Variants in ESRRG observed in about 807,000 individuals in gnomAD.
ESRRG encodes the protein estrogen-related receptor gamma.
A neutral mutation model predicts 44.0 loss-of-function variants in ESRRG; 13 were observed. That is an observed-to-expected ratio of 0.30 (90% confidence interval 0.19 to 0.47). ESRRG has a LOEUF of 0.47. ESRRG is among the 20% of genes least tolerant of loss of function. The pLI is 1.00. For synonymous variants in ESRRG, 215 were observed against 214.6 expected (o/e 1.00, Z -0.02); for missense variants, 395 against 580.6 (o/e 0.68, Z 3.29).
chr1:216,892,102 G>C (rs1204101650), intron 2 of ESRRG, among the ~76,000 whole-genome samples: 1 of 152,102 alleles, frequency 6.6e-6, no homozygotes, highest in East Asian at 1.9e-4. Context: ...ACCGTGCCTG[G>C]CTGGTGCTCA....
rs538407323 is a variant in ESRRG, at chr1:217,011,543, G to A, written c.-105-71870C>T. ...AATTAGTTGGCTGCCTACATGCAAA[G>A]CATTTGCTAGATAATCTCCCAAGGA... On this transcript the variant is annotated intron_variant, in intron 1 of 7. Transcript: ENST00000359162. Among the ~76,000 whole-genome samples, 46 of 152,308 alleles carry A rather than the reference G, an allele frequency of 3.0e-4. No homozygotes were observed. The East Asian group carries it at 8.1e-3, about 27-fold the overall frequency.
At chr1:216,802,598 C>G (rs1202836410) in intron 2 of ESRRG, among the ~76,000 whole-genome samples, 1 of 152,200 alleles carries the variant, frequency 6.6e-6, no homozygotes, top group East Asian at 1.9e-4. Context: ...GAGTAGTAAA[C>G]CAAGCACAGG....
chr1:217,083,236 C>T (rs2091884248), intron 1 of ESRRG, among the ~76,000 whole-genome samples: 2 of 152,188 alleles, frequency 1.3e-5, no homozygotes, highest in Non-Finnish European at 2.9e-5. Context: ...TAAATATCTA[C>T]TAATTGGTTT....
intron 2 of ESRRG, among the ~76,000 whole-genome samples, chr1:216,929,279 C>T (rs1303572575): frequency 3.3e-5 from 5 of 152,002 alleles, no homozygotes; most frequent in Admixed American, 3.3e-4. Flanking sequence ...TCCTTCCTTC[C>T]TTCCTTCCCT....
rs747647813 is a variant in ESRRG, at chr1:216,723,341, CAA to C, written c.-44_-43del. 5.0e-6 allele frequency: 8 copies of C among 1,599,242 alleles called. No homozygotes were observed. Among genetic ancestry groups the C allele is most frequent in the Admixed American group, 1.7e-5 (1 of 59,986 alleles). The stretch of plus-strand genomic sequence containing the variant: ...TTATTTGTGCACCCCAGCTATAAAT[CAA>C]AGTTTCCTTGACAGAGCACAGTGCA... On this transcript the variant is annotated 5_prime_UTR_variant, in exon 1 of 7. Coordinates refer to ENST00000408911, the MANE Select transcript of ESRRG (RefSeq NM_001438.4).
At chr1:217,112,585 T>C (rs951247651) in intron 1 of ESRRG, among the ~76,000 whole-genome samples, 13 of 152,290 alleles carry the variant, frequency 8.5e-5, no homozygotes, top group Admixed American at 4.6e-4. Context: ...TAGTTGCCTA[T>C]AATAAATTCA....
At chr1:216,956,714 A>G (rs2818793) in intron 1 of ESRRG, among the ~76,000 whole-genome samples, 99,750 of 152,146 alleles carry the variant, frequency 0.66, 35,822 homozygotes, top group Non-Finnish European at 0.82. Flanking sequence ...GAGCTATCCT[A>G]TCACATGCCT....
intron 2 of ESRRG, among the ~76,000 whole-genome samples, chr1:216,745,796 CT>C (rs2091331990): frequency 1.3e-5 from 2 of 152,132 alleles, no homozygotes; most frequent in South Asian, 4.1e-4. Flanking sequence ...TGGCTATTAT[CT>C]TTAAATTGTA....
intron 1 of ESRRG, among the ~76,000 whole-genome samples, chr1:216,695,028 T>G (rs2079851843): frequency 6.6e-6 from 1 of 151,858 alleles, no homozygotes; most frequent in East Asian, 1.9e-4. Flanking sequence ...TCATTTATAA[T>G]GAAGATAAAT....
chr1:216,783,579 G>A (rs1194012075), intron 2 of ESRRG, among the ~76,000 whole-genome samples: 1 of 152,018 alleles, frequency 6.6e-6, no homozygotes, highest in African/African-American at 2.4e-5. Flanking sequence ...TAAAAGACTA[G>A]TTGCTTATGT....
chr1:216,780,885 C>G (rs544425910), intron 2 of ESRRG, among the ~76,000 whole-genome samples: 231 of 152,108 alleles, frequency 1.5e-3, no homozygotes, highest in African/African-American at 5.2e-3. Flanking sequence ...TTCATATGTT[C>G]ACGACACAAC....
chr1:216,507,577 G>C (rs1315591314), intron 6 of ESRRG, among the ~76,000 whole-genome samples: 3 of 152,154 alleles, frequency 2.0e-5, no homozygotes, highest in Non-Finnish European at 4.4e-5. Context: ...AGTGCTGTGT[G>C]GGGGAAGGTT....
intron 2 of ESRRG, among the ~76,000 whole-genome samples, chr1:216,873,048 G>A (rs60745489): frequency 0.22 from 33,054 of 151,900 alleles, 4,480 homozygotes; most frequent in African/African-American, 0.37. Context: ...CAAAGTTTTT[G>A]CAGTTATTCA....
chr1:216,818,120 A>G (rs1392912804), intron 2 of ESRRG, among the ~76,000 whole-genome samples: 1 of 152,208 alleles, frequency 6.6e-6, no homozygotes, highest in Non-Finnish European at 1.5e-5. Context: ...TTTAAACAAC[A>G]AAAGTGTTAA....
Position 216,557,028 on chromosome 1 carries a change from T to C in ESRRG, c.862+7191A>G, listed in dbSNP as rs138611291. On this transcript the variant is annotated intron_variant, in intron 5 of 6. Transcript: ENST00000408911. ...AATTTACCTATAACTTTCAATCAGA[T>C]TAATTGCCCAGTGATCTGAAGAGAG... Among the ~76,000 whole-genome samples the C allele has an allele frequency of 5.2e-3, 792 of 152,258 alleles. 8 individuals are homozygous for C. Among genetic ancestry groups the C allele is most frequent in the African/African-American group, 0.018 (767 of 41,568 alleles).
chr1:216,863,606 A>G (rs754677876), intron 2 of ESRRG: 11 of 152,198 alleles, frequency 7.2e-5, no homozygotes, highest in African/African-American at 2.7e-4. Context: ...ACTTTCTGCC[A>G]TATTTTCAAT....
intron 3 of ESRRG, among the ~76,000 whole-genome samples, chr1:216,594,229 T>C (rs1035134713): frequency 1.3e-5 from 2 of 152,174 alleles, no homozygotes; most frequent in Non-Finnish European, 2.9e-5. Flanking sequence ...CTCAGACCCA[T>C]GATGTCTAAA....
chr1:216,934,374 CA>C (rs1168320048), intron 2 of ESRRG, among the ~76,000 whole-genome samples: 1 of 152,108 alleles, frequency 6.6e-6, no homozygotes, highest in Admixed American at 6.5e-5. Flanking sequence ...GCGGAAGTTT[CA>C]GTGAGCCAAG....
At chr1:216,767,546 C>T (rs751295058) in intron 2 of ESRRG, among the ~76,000 whole-genome samples, 2 of 152,118 alleles carry the variant, frequency 1.3e-5, no homozygotes, top group Non-Finnish European at 2.9e-5. Flanking sequence ...TTTGGAAACA[C>T]ATAAGCAATC....
Sources: gnomAD v4.1 joint callset for allele counts (sites outside exome capture counted in the v4.1 genomes callset) on GRCh38, gnomAD v4.1.1 for gene constraint, MANE v1.5 for transcripts, NCBI Gene and HGNC (gene_info 2026-07-23, HGNC 2026-07-21) for gene names.